The following SARM1 variants were observed in gnomAD, a reference collection of about 807,000 sequenced individuals.
The protein encoded by SARM1 is sterile alpha and TIR motif containing 1.
A neutral mutation model predicts 65.1 loss-of-function variants in SARM1; 60 were observed. The observed-to-expected ratio is 0.92, with a 90% CI of 0.75 to 1.14. The LOEUF is 1.14. Among genes scored for constraint, SARM1 ranks in the 50% most tolerant of loss-of-function variants. The probability of loss-of-function intolerance (pLI) is 0.00; values close to 1 mark genes in which losing one functional copy is unlikely to be tolerated. For missense variants in SARM1, 913 were observed against 1,015.7 expected (o/e 0.90, Z 1.37); for synonymous variants, 417 against 465.4 (o/e 0.90, Z 1.34).
Position 28,402,321 on chromosome 17 carries a change from C to G in SARM1, c.*6035C>G. On this transcript the variant is annotated 3_prime_UTR_variant, in exon 9 of 9. Transcript: ENST00000585482. ...TAATGACAGGAAAAGCAACCCATAT[C>G]CTGTGGAGAAACAAACACTCATCAG... 6.2e-7 allele frequency: 1 copy of G among 1,612,688 alleles called. No individual in the cohort carries two copies. The highest frequency in any genetic ancestry group is 1.3e-5 in the African/African-American group (1 of 75,024).
intron 2 of SARM1, among the ~76,000 whole-genome samples, chr17:28,382,689 T>A (rs1349037459): frequency 6.6e-6 from 1 of 152,198 alleles, no homozygotes; most frequent in Non-Finnish European, 1.5e-5. Flanking sequence ...TTACCCTAGA[T>A]GTGGGATAGT....
chr17:28,390,222 T>C (rs1235963958), intron 7 of SARM1, among the ~76,000 whole-genome samples: 1 of 152,208 alleles, frequency 6.6e-6, no homozygotes, highest in Non-Finnish European at 1.5e-5. Context: ...ATTGAGTTTA[T>C]CTGAAGACCT....
Position 28,384,621 on chromosome 17 carries a change from A to G in SARM1, c.1302+52A>G. 2 of 1,484,794 alleles carry G rather than the reference A, an allele frequency of 1.3e-6. No individual in the cohort carries two copies. The highest frequency in any genetic ancestry group is 4.9e-5 in the East Asian group (2 of 40,690). The allele number at this position is 1,484,794 out of a possible 1,614,324, so 92.0% of individuals were successfully genotyped here. ...CCGAGTCAGAGCGGGCGCCCTGTGC[A>G]CAGGGACTGCGTTCCCTCCCCGCCT... On this transcript the variant is annotated intron_variant, in intron 3 of 8. Transcript: ENST00000585482. The surrounding 1 kb of genome is among the most constrained non-coding windows in gnomAD (Gnocchi z 4.4).
chr17:28,391,930 G>A (rs1336553499), intron 7 of SARM1, among the ~76,000 whole-genome samples: 1 of 144,834 alleles, frequency 6.9e-6, no homozygotes, highest in African/African-American at 2.6e-5. Flanking sequence ...ATGTCACCCA[G>A]GCTGGTCCCG....
intron 7 of SARM1, among the ~76,000 whole-genome samples, chr17:28,392,306 C>CG (rs1328096707): frequency 1.3e-5 from 2 of 151,548 alleles, no homozygotes; most frequent in Non-Finnish European, 2.9e-5. Context: ...TTAGTAGAGA[C>CG]GGGGTTTCAC....
In SARM1 at chr17:28,385,190, G is replaced by C; in HGVS notation, c.1545G>C (p.Leu515=). 6.2e-7 allele frequency: 1 copy of C among 1,608,004 alleles called. No individual in the cohort carries two copies. The highest frequency in any genetic ancestry group is 8.5e-7 in the Non-Finnish European group (1 of 1,178,486). The stretch of plus-strand genomic sequence containing the variant: ...GCTGCGGCCTGGACCGCTCCCTGCT[G>C]CACCGCGTGTCTGAGCAGCAGCTGC... ...LVSCGLDRSL[L]HRVSEQQLLE... Residue 515 remains leucine (L), a synonymous_variant, in exon 5 of 9, where the codon CTG becomes CTC. Transcript: ENST00000585482. This position sits in a 1 kb window ranked among gnomAD's most constrained non-coding sequence, Gnocchi z 4.5.
rs2067956137 is a variant in SARM1 at position 28,371,874 on chromosome 17, C to A, written c.-159C>A. 1 of 508,508 alleles carries A rather than the reference C, an allele frequency of 2.0e-6. No individual in the cohort carries two copies. The highest frequency in any genetic ancestry group is 3.3e-6 in the Non-Finnish European group (1 of 301,820). The allele number at this position is 508,508 out of a possible 1,614,324, so 31.5% of individuals were successfully genotyped here. A position where few individuals can be genotyped will look rare whatever the true frequency, so the allele number is the denominator to read the frequency against. On this transcript the variant is annotated 5_prime_UTR_variant, in exon 1 of 9. Transcript: ENST00000585482. ...CCCGATCCTGCCGACACTCCTCCCC[C>A]AAACTTCTGACCGGCACCCTTGCCT...
intron 7 of SARM1, among the ~76,000 whole-genome samples, chr17:28,393,586 A>G (rs1300683705): frequency 1.3e-5 from 2 of 151,980 alleles, no homozygotes; most frequent in Non-Finnish European, 2.9e-5. Flanking sequence ...AAAGAAAGAA[A>G]AGAGAAAACA....
At position 28,374,138 on chromosome 17, in the gene SARM1, A is replaced by T. The variant is rs1597814757; in HGVS notation, c.470+1636A>T. On this transcript the variant is annotated intron_variant, in intron 1 of 8. Transcript: ENST00000585482. The stretch of plus-strand genomic sequence containing the variant: ...AAAAAAATACAAAAATTAGCTGGGC[A>T]TGGTGGCGGGCATCTGTAATCCCAG... 3 of 151,564 alleles carry T rather than the reference A, an allele frequency of 2.0e-5. No individual in the cohort carries two copies. The South Asian group carries it at 6.2e-4, about 32-fold the overall frequency. The allele number at this position is 151,564 out of a possible 1,614,324, so 9.4% of individuals were successfully genotyped here.
Position 28,399,770 on chromosome 17 carries a change from C to A in SARM1, c.*3484C>A, listed in dbSNP as rs1282171600. ...CATGTGGGGAACCCTCAAGGCCTGT[C>A]TGGAGAAGTGACACAGGATTTACTG... On this transcript the variant is annotated 3_prime_UTR_variant, in exon 9 of 9. Coordinates refer to ENST00000585482, the MANE Select transcript of SARM1 (RefSeq NM_015077.4). The A allele has an allele frequency of 1.9e-6, 3 of 1,589,878 alleles. No individual in the cohort carries two copies. The Admixed American group carries it at 5.0e-5, about 27-fold the overall frequency.
rs782018017 is a variant in SARM1, at chr17:28,402,248, C to G, written c.*5962C>G. The G allele has an allele frequency of 6.2e-7, 1 of 1,613,126 alleles. No homozygotes were observed. Among genetic ancestry groups the G allele is most frequent in the Non-Finnish European group, 8.5e-7 (1 of 1,179,514 alleles). On this transcript the variant is annotated 3_prime_UTR_variant, in exon 9 of 9. Transcript: ENST00000585482. Reference sequence around the variant, plus strand: ...GGTTCTGACACTCACCCTGCTCTGTCTCTCTCACCAGCTTGGAGAGTTTAG... The same window carrying G: ...GGTTCTGACACTCACCCTGCTCTGTGTCTCTCACCAGCTTGGAGAGTTTAG...
intron 2 of SARM1, among the ~76,000 whole-genome samples, chr17:28,382,510 G>A (rs1442036435): frequency 4.6e-5 from 7 of 152,148 alleles, no homozygotes; most frequent in African/African-American, 7.2e-5. Flanking sequence ...AACCCCCATC[G>A]GAGTCCCAAG....
chr17:28,372,004 C>T lies in SARM1; in HGVS notation c.-29C>T. ...CTCTCCGCGTGGCCCCGCCTCCAGG[C>T]CGGGGATGTCCCCCGCGGCCCCGCG... On this transcript the variant is annotated 5_prime_UTR_variant, in exon 1 of 9. Coordinates refer to ENST00000585482, the MANE Select transcript of SARM1 (RefSeq NM_015077.4). This position sits in a 1 kb window ranked among gnomAD's most constrained non-coding sequence, Gnocchi z 5.2. The T allele has an allele frequency of 6.9e-7, 1 of 1,439,774 alleles. No homozygotes were observed. Among genetic ancestry groups the T allele is most frequent in the Non-Finnish European group, 9.1e-7 (1 of 1,099,160 alleles). 89.2% of individuals were successfully genotyped at this position (1,439,774 alleles called of 1,614,324 possible). A position where few individuals can be genotyped will look rare whatever the true frequency, so the allele number is the denominator to read the frequency against.
rs539545773 is a variant in SARM1, at chr17:28,384,393, C to T, written c.1126C>T (p.Arg376Cys). 2 of 1,608,638 alleles carry T rather than the reference C, an allele frequency of 1.2e-6. No individual in the cohort carries two copies. The highest frequency in any genetic ancestry group is 1.7e-5 in the Admixed American group (1 of 59,116). The change falls in exon 3 of 9, where the codon CGC becomes TGC. Residue 376 changes from arginine to cysteine, a missense_variant. This residue lies in a region of SARM1 where 862 missense variants were observed against 952.1 expected (regional missense o/e 0.91). Coordinates refer to ENST00000585482, the MANE Select transcript of SARM1 (RefSeq NM_015077.4). The surrounding 1 kb of genome is among the most constrained non-coding windows in gnomAD (Gnocchi z 4.4). ...SDIGAIQSLK[R>C]LVSYSTNGTK... ...CATCGGCGCCATCCAGAGCCTGAAA[C>T]GCCTGGTTTCCTACTCTACCAATGG...
At chr17:28,387,860 T>G in intron 5 of SARM1, 1 of 362,292 alleles carries the variant, frequency 2.8e-6, no homozygotes, top group South Asian at 4.8e-5. Context: ...GAGGGGGAGA[T>G]TTGGGGTGTG....
At position 28,396,043 on chromosome 17, in the gene SARM1, T is replaced by C. The variant is rs1555587815; in HGVS notation, c.2045+17T>C. The stretch of plus-strand genomic sequence containing the variant: ...CGGTATCAAGTGAGCCCCAGGGCCC[T>C]GGGACCAGGGGGGTAGGGTACAAAT... On this transcript the variant is annotated intron_variant, in intron 8 of 8. Coordinates refer to ENST00000585482, the MANE Select transcript of SARM1 (RefSeq NM_015077.4). 1 of 1,613,820 alleles carries C rather than the reference T, an allele frequency of 6.2e-7. No homozygotes were observed. The highest frequency in any genetic ancestry group is 2.2e-5 in the East Asian group (1 of 44,868).
chr17:28,384,712 C>A lies in SARM1; in HGVS notation c.1303-127C>A. The A allele has an allele frequency of 8.4e-7, 1 of 1,188,500 alleles. No individual in the cohort carries two copies. The highest frequency in any genetic ancestry group is 1.2e-6 in the Non-Finnish European group (1 of 832,694). 73.6% of individuals were successfully genotyped at this position (1,188,500 alleles called of 1,614,324 possible). A position where few individuals can be genotyped will look rare whatever the true frequency, so the allele number is the denominator to read the frequency against. On this transcript the variant is annotated intron_variant, in intron 3 of 8. Coordinates refer to ENST00000585482, the MANE Select transcript of SARM1 (RefSeq NM_015077.4). This position sits in a 1 kb window ranked among gnomAD's most constrained non-coding sequence, Gnocchi z 4.4. ...GCCTGTACGCAGCCACCGTTAGGGTCACTCGGCTCTGATCTAGGTCCCATC... is the reference window on the plus strand; with the variant it reads ...GCCTGTACGCAGCCACCGTTAGGGTAACTCGGCTCTGATCTAGGTCCCATC...
chr17:28,388,507 C>A lies in SARM1; in HGVS notation c.1891C>A (p.Gln631Lys). The stretch of plus-strand genomic sequence containing the variant: ...ACCTGGAGCACTGGACAAGTGCATG[C>A]AAGACCATGACTGCAAGGATTGGGT... Reference protein sequence around the residue: ...LSPGALDKCMQDHDCKDWVHK... With the variant: ...LSPGALDKCMKDHDCKDWVHK... The change falls in exon 7 of 9, where the codon CAA becomes AAA. Residue 631 changes from glutamine (Q) to lysine (K), a missense_variant. By Grantham distance (53) the Gln-to-Lys change is moderately conservative. Around this residue, in one of 3 missense-constraint regions of SARM1, gnomAD observed 862 missense variants for 952.1 expected, o/e 0.91. Transcript: ENST00000585482. The A allele has an allele frequency of 6.2e-7, 1 of 1,613,784 alleles. No homozygotes were observed. The highest frequency in any genetic ancestry group is 2.2e-5 in the East Asian group (1 of 44,878).
rs2068042233 is a variant in SARM1 at position 28,384,872 on chromosome 17, C to A, written c.1336C>A (p.Leu446Ile). 1 of 1,557,740 alleles carries A rather than the reference C, an allele frequency of 6.4e-7. No individual in the cohort carries two copies. Among genetic ancestry groups the A allele is most frequent in the Non-Finnish European group, 8.7e-7 (1 of 1,150,680 alleles). Residue 446 changes from leucine (L) to isoleucine (I), a missense_variant, in exon 4 of 9, where the codon CTC (leucine) becomes ATC (isoleucine). By Grantham distance (5) the Leu-to-Ile change is conservative. Coordinates refer to ENST00000585482, the MANE Select transcript of SARM1 (RefSeq NM_015077.4). This position sits in a 1 kb window ranked among gnomAD's most constrained non-coding sequence, Gnocchi z 4.4. ...GGTGGATGGCGACCTGCTTCTGCGG[C>A]TCACGGAGGAGGAACTCCAGACCGA... is the stretch of plus-strand genomic sequence containing the variant. ...QQVDGDLLLR[L>I]TEEELQTDLG... is the part of the protein sequence containing the mutation.
Sources: allele counts gnomAD v4.1 joint callset (sites outside exome capture counted in the v4.1 genomes callset), GRCh38; gene constraint gnomAD v4.1.1; regional missense constraint gnomAD v4.1.1; non-coding constraint Gnocchi (gnomAD v3.1); transcripts MANE v1.5; gene names NCBI Gene and HGNC (gene_info 2026-07-23, HGNC 2026-07-21).